The following ZNF211 variants were observed in gnomAD, a reference collection of about 807,000 sequenced individuals.
The protein encoded by ZNF211 is zinc finger protein C2H2-25.
In ZNF211, 18 loss-of-function variants were observed where a neutral mutation model predicts 12.1. The ratio of observed to expected loss-of-function variants is 1.48; its 90% CI spans 1.03 to 2.20. The LOEUF is 2.20. Among genes scored for constraint, ZNF211 ranks in the 30% most tolerant of loss-of-function variants. The probability of loss-of-function intolerance (pLI) is 0.00; values close to 1 mark genes in which losing one functional copy is unlikely to be tolerated. For missense variants in ZNF211, 677 were observed against 703.1 expected (o/e 0.96, Z 0.42); for synonymous variants, 249 against 246.0 (o/e 1.01, Z -0.11).
intron 2 of ZNF211, 128 bp from the exon 3 acceptor site, chr19:57,634,501 G>A: frequency 2.7e-6 from 3 of 1,128,650 alleles, no homozygotes; most frequent in Non-Finnish European, 3.6e-6. Flanking sequence ...AGACAGCAGG[G>A]ATCAATGACA....
rs1310180838 is a variant in ZNF211, at chr19:57,643,293, C to T, written c.*1112C>T. 2.0e-5 allele frequency among the ~76,000 whole-genome samples: 3 copies of T among 151,996 alleles called. No individual in the cohort carries two copies. The highest frequency in any genetic ancestry group is 7.3e-5 in the African/African-American group (3 of 41,364). On this transcript the variant is annotated 3_prime_UTR_variant, in exon 4 of 4. Transcript: ENST00000240731. ...ACTGCAGCAAACTAGATGGAATGTG[C>T]TCCTTGTAATATGTTCTAGTAATTG...
Position 57,641,449 on chromosome 19 carries a change from G to C in ZNF211, c.1002G>C (p.Ser334=), listed in dbSNP as rs11880050. 258,618 of 1,613,180 alleles carry C rather than the reference G, an allele frequency of 0.16. 21,764 individuals carry two copies. Among genetic ancestry groups the C allele is most frequent in the East Asian group, 0.3 (13,350 of 44,804 alleles). ...RPYACPECGK[S]FSQIYSLNSH... Reference sequence around the variant, plus strand: ...ATGCGTGCCCTGAATGTGGGAAATCGTTTAGTCAGATATACAGCCTCAATA... The same window carrying C: ...ATGCGTGCCCTGAATGTGGGAAATCCTTTAGTCAGATATACAGCCTCAATA... Residue 334 remains serine, a synonymous_variant, in exon 4 of 4, where the codon TCG becomes TCC. Transcript: ENST00000240731.
At chr19:57,634,352 C>T (rs560772188) in intron 2 of ZNF211, 284 of 468,088 alleles carry the variant, frequency 6.1e-4, no homozygotes, top group Non-Finnish European at 8.8e-4. Context: ...TGCAGGTTTC[C>T]TTTATTTCTG....
At chr19:57,634,120 C>T in intron 2 of ZNF211, 59 bp downstream of exon 2, 2 of 1,488,060 alleles carry the variant, frequency 1.3e-6, no homozygotes, top group East Asian at 2.3e-5. Flanking sequence ...CCTCCCCAGA[C>T]AGATATTTTC....
At position 57,642,738 on chromosome 19, in the gene ZNF211, TA is replaced by T. The variant is rs1275300497; in HGVS notation, c.*558del. 1 of 153,044 alleles carries T rather than the reference TA, an allele frequency of 6.5e-6. No individual in the cohort carries two copies. The highest frequency in any genetic ancestry group is 1.5e-5 in the Non-Finnish European group (1 of 68,688). The allele number at this position is 153,044 out of a possible 1,614,324, so 9.5% of individuals were successfully genotyped here. On this transcript the variant is annotated 3_prime_UTR_variant, in exon 4 of 4. Transcript: ENST00000240731. ...GCTTGTCTCACGTTGCTTTGTTTTT[TA>T]CAATAATAAAAGCATTATTATTTAA...
chr19:57,639,201 G>GT (rs1188742689), intron 3 of ZNF211, among the ~76,000 whole-genome samples: 1 of 151,922 alleles, frequency 6.6e-6, no homozygotes, highest in Non-Finnish European at 1.5e-5. Context: ...TAAGCTAAAA[G>GT]TTGGGAGCAT....
intron 3 of ZNF211, among the ~76,000 whole-genome samples, chr19:57,637,780 G>C (rs928909463): frequency 6.6e-6 from 1 of 151,890 alleles, no homozygotes; most frequent in African/African-American, 2.4e-5. Context: ...TTAGATGTGT[G>C]TATGCTACAG....
At chr19:57,634,794 C>A (rs1181998322) in intron 3 of ZNF211, 39 bp downstream of exon 3, 3 of 1,482,500 alleles carry the variant, frequency 2.0e-6, no homozygotes, top group Non-Finnish European at 2.7e-6. Flanking sequence ...CTGGACTAGG[C>A]TCTCTGTTTC....
In ZNF211 at chr19:57,641,737, A is replaced by G. The variant is rs780642936; in HGVS notation, c.1290A>G (p.Arg430=). The part of the protein sequence containing the change: ...SRSSSLIHHR[R]LHTGERPYEC... Reference sequence around the variant, plus strand: ...GCTCCAGCCTCATTCACCACCGGAGACTTCACACTGGAGAAAGACCCTATG... The same window carrying G: ...GCTCCAGCCTCATTCACCACCGGAGGCTTCACACTGGAGAAAGACCCTATG... The change falls in exon 4 of 4, where the codon AGA becomes AGG. Residue 430 remains arginine (R), a synonymous_variant. Transcript: ENST00000240731. 6.8e-6 allele frequency: 11 copies of G among 1,613,820 alleles called. No individual in the cohort carries two copies. The highest frequency in any genetic ancestry group is 2.5e-6 in the Non-Finnish European group (3 of 1,179,984).
At chr19:57,637,434 T>C (rs1394667196) in intron 3 of ZNF211, among the ~76,000 whole-genome samples, 1 of 152,144 alleles carries the variant, frequency 6.6e-6, no homozygotes. Flanking sequence ...GTTTTAATTT[T>C]TTTAGAGATG....
chr19:57,640,453 G>A (rs961236103), intron 3 of ZNF211, among the ~76,000 whole-genome samples: 5 of 152,162 alleles, frequency 3.3e-5, no homozygotes, highest in African/African-American at 4.8e-5. Context: ...AGAATTAATT[G>A]TATAACATGC....
rs1477107800 is a variant in ZNF211, at chr19:57,640,734, C to T, written c.287C>T (p.Thr96Ile). ...TGGTGTGGAGTGGAACATGAGGAAACACCTTCTGAACAGAGAATTTCTGGA... is the reference window on the plus strand; with the variant it reads ...TGGTGTGGAGTGGAACATGAGGAAATACCTTCTGAACAGAGAATTTCTGGA... ...GCWCGVEHEETPSEQRISGER... is the reference protein window; with the variant it reads ...GCWCGVEHEEIPSEQRISGER... Residue 96 changes from threonine (T) to isoleucine (I), a missense_variant, in exon 4 of 4, where the codon ACA becomes ATA. Coordinates refer to ENST00000240731, the MANE Select transcript of ZNF211 (RefSeq NM_006385.5). 2 of 1,614,166 alleles carry T rather than the reference C, an allele frequency of 1.2e-6. No individual in the cohort carries two copies. Among genetic ancestry groups the T allele is most frequent in the East Asian group, 2.2e-5 (1 of 44,890 alleles).
chr19:57,637,219 A>AG (rs75333952), intron 3 of ZNF211, among the ~76,000 whole-genome samples: 27,364 of 151,352 alleles, frequency 0.18, 2,632 homozygotes, highest in East Asian at 0.32. Flanking sequence ...TGCTAAAAGT[A>AG]GCATCCTTAT....
At chr19:57,633,913 A>G in intron 1 of ZNF211, 110 bp from the exon 2 acceptor site, 1 of 1,608,334 alleles carries the variant, frequency 6.2e-7, no homozygotes, top group East Asian at 2.2e-5. Context: ...CAGGTTAGAC[A>G]GTCGACCCAA....
At chr19:57,633,738 C>G (rs749927323) in intron 1 of ZNF211, 20 of 1,532,770 alleles carry the variant, frequency 1.3e-5, no homozygotes, top group Non-Finnish European at 1.7e-5. Flanking sequence ...AGAGAGCTTG[C>G]GCAAACGAGA....
rs1259842855 is a variant in ZNF211 at position 57,640,713 on chromosome 19, G to T, written c.266G>T (p.Cys89Phe). 1.9e-6 allele frequency: 3 copies of T among 1,613,640 alleles called. No individual in the cohort carries two copies. The highest frequency in any genetic ancestry group is 1.7e-6 in the Non-Finnish European group (2 of 1,179,594). Reference sequence around the variant, plus strand: ...ATCTCTTTACTTTTAGGTTGTTGGTGTGGAGTGGAACATGAGGAAACACCT... The same window carrying T: ...ATCTCTTTACTTTTAGGTTGTTGGTTTGGAGTGGAACATGAGGAAACACCT... ...FALTSSLGCW[C>F]GVEHEETPSE... Residue 89 changes from cysteine to phenylalanine, a missense_variant, in exon 4 of 4, where the codon TGT (cysteine) becomes TTT (phenylalanine). Coordinates refer to ENST00000240731, the MANE Select transcript of ZNF211 (RefSeq NM_006385.5).
chr19:57,643,301 A>G lies in ZNF211; in HGVS notation c.*1120A>G, dbSNP rs1983183678. ...AAACTAGATGGAATGTGCTCCTTGT[A>G]ATATGTTCTAGTAATTGTGCAGGAT... On this transcript the variant is annotated 3_prime_UTR_variant, in exon 4 of 4. Coordinates refer to ENST00000240731, the MANE Select transcript of ZNF211 (RefSeq NM_006385.5). Among the ~76,000 whole-genome samples the G allele has an allele frequency of 6.6e-6, 1 of 152,070 alleles. No individual in the cohort carries two copies. Among genetic ancestry groups the G allele is most frequent in the Admixed American group, 6.6e-5 (1 of 15,240 alleles).
chr19:57,633,828 T>A, intron 1 of ZNF211, 195 bp from the exon 2 acceptor site: 1 of 1,588,488 alleles, frequency 6.3e-7, no homozygotes, highest in South Asian at 1.1e-5. Flanking sequence ...GATGAGGACG[T>A]TGAGGCAGAG....
At chr19:57,638,355 A>G (rs1366896566) in intron 3 of ZNF211, among the ~76,000 whole-genome samples, 1 of 148,220 alleles carries the variant, frequency 6.7e-6, no homozygotes, top group African/African-American at 2.5e-5. Context: ...TCCTCTTTTT[A>G]TAATCCCTTA....
Sources: gnomAD v4.1 joint callset for allele counts (sites outside exome capture counted in the v4.1 genomes callset) on GRCh38, gnomAD v4.1.1 for gene constraint, MANE v1.5 for transcripts, NCBI Gene and HGNC (gene_info 2026-07-23, HGNC 2026-07-21) for gene names.